Variants in PCDHA4 observed in about 807,000 individuals in gnomAD.
PCDHA4 encodes protocadherin alpha 4.
A neutral mutation model predicts 61.4 loss-of-function variants in PCDHA4; 49 were observed. The observed-to-expected ratio is 0.80, with a 90% confidence interval of 0.63 to 1.01. The LOEUF (loss-of-function observed/expected upper bound fraction) is 1.01, where lower values mean the gene tolerates loss of function less well. Ranked by LOEUF, PCDHA4 falls within the 50% of genes least tolerant of loss-of-function variation. The probability of loss-of-function intolerance (pLI) is 0.00; values close to 1 mark genes in which losing one functional copy is unlikely to be tolerated. For synonymous variants in PCDHA4, 590 were observed against 550.3 expected (o/e 1.07, Z -1.01); for missense variants, 1,254 against 1,235.8 (o/e 1.01, Z -0.22).
chr5:140,894,484 T>C (rs2064498102), intron 1 of PCDHA4, among the ~76,000 whole-genome samples: 1 of 152,002 alleles, frequency 6.6e-6, no homozygotes, highest in Admixed American at 6.5e-5. Flanking sequence ...TTTCATCTTA[T>C]AGTTTTCTTT....
At chr5:140,888,673 A>T (rs571585641) in intron 1 of PCDHA4, among the ~76,000 whole-genome samples, 1 of 152,298 alleles carries the variant, frequency 6.6e-6, no homozygotes, top group Admixed American at 6.5e-5. Context: ...TGCCCTGTGC[A>T]TTAAGAGGTC....
intron 1 of PCDHA4, chr5:140,830,029 G>A (rs2150179968): frequency 1.2e-6 from 2 of 1,613,910 alleles, no homozygotes; most frequent in Middle Eastern, 1.7e-4. Flanking sequence ...CGCGCCACCG[G>A]CTGCTGGTGC....
intron 3 of PCDHA4, among the ~76,000 whole-genome samples, chr5:140,984,251 T>C (rs1164028325): frequency 6.6e-6 from 1 of 152,210 alleles, no homozygotes; most frequent in Non-Finnish European, 1.5e-5. Flanking sequence ...GTCGACCTGG[T>C]AAGCCACAAA....
chr5:140,897,424 T>G (rs2066099863), intron 1 of PCDHA4, among the ~76,000 whole-genome samples: 1 of 148,866 alleles, frequency 6.7e-6, no homozygotes, highest in Non-Finnish European at 1.5e-5. Flanking sequence ...CATCTATGAG[T>G]GAGAACATGC....
chr5:140,965,708 A>T (rs2095927788), intron 1 of PCDHA4, among the ~76,000 whole-genome samples: 1 of 152,244 alleles, frequency 6.6e-6, no homozygotes, highest in African/African-American at 2.4e-5. Context: ...AGCTTGAGAG[A>T]AGAATCTCTT....
intron 1 of PCDHA4, among the ~76,000 whole-genome samples, chr5:140,915,616 GTC>G (rs1166585947): frequency 7.5e-6 from 1 of 134,000 alleles, no homozygotes. Context: ...CTGTCAAACA[GTC>G]TCTTTCTGTC....
At chr5:140,819,582 A>G (rs2150104654) in intron 1 of PCDHA4, among the ~76,000 whole-genome samples, 14 of 152,284 alleles carry the variant, frequency 9.2e-5, no homozygotes, top group African/African-American at 2.9e-4. Context: ...AAGATTTTTT[A>G]AAATGTTCTT....
chr5:140,850,744 A>G (rs2150496809), intron 1 of PCDHA4: 2 of 1,597,586 alleles, frequency 1.3e-6, no homozygotes, highest in Non-Finnish European at 1.7e-6. Context: ...AGTTGGTCGT[A>G]CTCGCAGCAG....
At chr5:140,877,127 A>G (rs2056869003) in intron 1 of PCDHA4, 1 of 1,613,602 alleles carries the variant, frequency 6.2e-7, no homozygotes, top group African/African-American at 1.3e-5. Flanking sequence ...GTGACGCTGC[A>G]GGTGTTCGTG....
chr5:140,948,517 C>A (rs2094265494), intron 1 of PCDHA4, among the ~76,000 whole-genome samples: 1 of 151,496 alleles, frequency 6.6e-6, no homozygotes. Flanking sequence ...AAAATGTTAA[C>A]ACTATTTATA....
chr5:140,877,018 A>G, intron 1 of PCDHA4: 1 of 1,612,420 alleles, frequency 6.2e-7, no homozygotes, highest in Non-Finnish European at 8.5e-7. Flanking sequence ...GGAGAGCGGC[A>G]AGGTGTACGC....
chr5:140,972,499 G>A (rs1398741603), intron 1 of PCDHA4, among the ~76,000 whole-genome samples: 3 of 151,888 alleles, frequency 2.0e-5, no homozygotes, highest in South Asian at 4.2e-4. Flanking sequence ...TAATCTGTTG[G>A]TAGATTTTAC....
chr5:140,937,039 C>CTTTTT, intron 1 of PCDHA4, among the ~76,000 whole-genome samples: 1 of 140,166 alleles, frequency 7.1e-6, no homozygotes, highest in Non-Finnish European at 1.5e-5. Flanking sequence ...TTCCATTTAT[C>CTTTTT]TTTTTTTTTT....
chr5:140,989,235 T>G (rs1408596966), intron 3 of PCDHA4, among the ~76,000 whole-genome samples: 1 of 152,204 alleles, frequency 6.6e-6, no homozygotes, highest in Non-Finnish European at 1.5e-5. Context: ...AGCTGAAGTT[T>G]TAAGCCCCTT....
Position 140,809,041 on chromosome 5 carries a change from G to T in PCDHA4, c.1854G>T (p.Ala618=). The T allele has an allele frequency of 1.2e-6, 2 of 1,613,844 alleles. No individual in the cohort carries two copies. Among genetic ancestry groups the T allele is most frequent in the Non-Finnish European group, 1.7e-6 (2 of 1,179,880 alleles). The change falls in exon 1 of 4, where the codon GCG becomes GCT. Residue 618 remains alanine, a synonymous_variant. Coordinates refer to ENST00000530339, the MANE Select transcript of PCDHA4 (RefSeq NM_018907.4). ...SYELQPGTGG[A]RIPFRVGLYT... ...AGCTGCAGCCGGGGACTGGTGGCGC[G>T]CGCATCCCGTTCCGCGTGGGGCTGT...
chr5:140,915,132 AGAGAC>A (rs1406752818), intron 1 of PCDHA4, among the ~76,000 whole-genome samples: 1 of 151,994 alleles, frequency 6.6e-6, no homozygotes, highest in Non-Finnish European at 1.5e-5. Flanking sequence ...TATTTTTAGT[AGAGAC>A]GGGGTTTCAC....
Position 140,843,391 on chromosome 5 carries a change from A to G in PCDHA4, c.2385+33819A>G, listed in dbSNP as rs1554140017. On this transcript the variant is annotated intron_variant, in intron 1 of 3. Transcript: ENST00000530339. ...AGTCGGCTGGCGTTTTGGGTCCGGA[A>G]GCGGCGCTGGTGGATGTCAACGTGT... 7.5e-6 allele frequency: 12 copies of G among 1,596,022 alleles called. 1 individual carries two copies. The highest frequency in any genetic ancestry group is 8.6e-6 in the Non-Finnish European group (10 of 1,165,574).
At chr5:140,827,571 A>C (rs1769334993) in intron 1 of PCDHA4, among the ~76,000 whole-genome samples, 2 of 152,232 alleles carry the variant, frequency 1.3e-5, no homozygotes, top group Admixed American at 1.3e-4. Flanking sequence ...AGCACTATAT[A>C]ATAGCATGTC....
rs146522449 is a variant in PCDHA4, at chr5:140,877,816, G to A, written c.2385+68244G>A. ...CCCAAGCCTTCAGCTGTCTCGAGAA[G>A]ATTGTTTAAATCCTCCCAGTGAAGT... On this transcript the variant is annotated intron_variant, in intron 1 of 3. Coordinates refer to ENST00000530339, the MANE Select transcript of PCDHA4 (RefSeq NM_018907.4). The A allele has an allele frequency of 2.8e-3, 4,449 of 1,609,310 alleles. 21 individuals carry two copies. Among genetic ancestry groups the A allele is most frequent in the African/African-American group, 0.01 (772 of 74,842 alleles).
Sources: gnomAD v4.1 joint callset for allele counts (sites outside exome capture counted in the v4.1 genomes callset) on GRCh38, gnomAD v4.1.1 for gene constraint, MANE v1.5 for transcripts, NCBI Gene and HGNC (gene_info 2026-07-23, HGNC 2026-07-21) for gene names.